The following KATNIP variants were observed in gnomAD, a reference collection of about 807,000 sequenced individuals.
The protein encoded by KATNIP is katanin-interacting protein.
A neutral mutation model predicts 174.0 loss-of-function variants in KATNIP; 126 were observed. That is an observed-to-expected ratio of 0.72 (90% confidence interval 0.63 to 0.84). The LOEUF is 0.84. Ranked by LOEUF, KATNIP falls within the 40% of genes least tolerant of loss-of-function variation. The pLI, the probability that KATNIP is intolerant of heterozygous loss-of-function variation, is 0.00. For synonymous variants in KATNIP, 810 were observed against 835.7 expected, an observed-to-expected ratio of 0.97 and a Z score of 0.53; for missense variants, 1,958 against 2,109.7, an observed-to-expected ratio of 0.93 and a Z score of 1.41.
chr16:27,661,324 A>T (rs1212461497), intron 6 of KATNIP, among the ~76,000 whole-genome samples: 1 of 152,104 alleles, frequency 6.6e-6, no homozygotes, highest in Non-Finnish European at 1.5e-5. Flanking sequence ...CATCGTGTAG[A>T]AATATGGGCC....
chr16:27,654,596 G>A, intron 6 of KATNIP: 1 of 1,351,990 alleles, frequency 7.4e-7, no homozygotes, highest in Non-Finnish European at 9.8e-7. Flanking sequence ...AGTTTTCTGT[G>A]CTTGTCCCTA....
chr16:27,702,188 A>T (rs1160978787), intron 11 of KATNIP, among the ~76,000 whole-genome samples: 1 of 152,190 alleles, frequency 6.6e-6, no homozygotes, highest in Non-Finnish European at 1.5e-5. Flanking sequence ...TATCTTGGTC[A>T]GTTTGGCCCC....
At chr16:27,583,444 T>C (rs1007155987) in intron 2 of KATNIP, among the ~76,000 whole-genome samples, 1 of 152,124 alleles carries the variant, frequency 6.6e-6, no homozygotes, top group African/African-American at 2.4e-5. Context: ...AGAATGGTGC[T>C]AAGAGGAGGT....
At chr16:27,727,137 A>T (rs935774477) in intron 14 of KATNIP, 1 of 172,686 alleles carries the variant, frequency 5.8e-6, no homozygotes, top group African/African-American at 2.4e-5. Flanking sequence ...TATTAGTGTC[A>T]TCGCCGGAGG....
In KATNIP at chr16:27,772,278, A is replaced by G. The variant is rs189720820; in HGVS notation, c.4198+626A>G. On this transcript the variant is annotated intron_variant, in intron 22 of 27. Coordinates refer to ENST00000261588, the MANE Select transcript of KATNIP (RefSeq NM_015202.5). ...CAGAGCCCAGCACTCTGGTACTACT[A>G]TCATTCCCATTTCACAGCTAGGAAA... Among the ~76,000 whole-genome samples the G allele has an allele frequency of 2.6e-5, 4 of 152,304 alleles. No homozygotes were observed. The East Asian group carries it at 5.8e-4, about 22-fold the overall frequency.
At chr16:27,765,692 C>T (rs569612676) in intron 19 of KATNIP, among the ~76,000 whole-genome samples, 143 of 152,328 alleles carry the variant, frequency 9.4e-4, no homozygotes, top group African/African-American at 3.2e-3. Flanking sequence ...GAAAAATACT[C>T]ACCTCCATAC....
intron 8 of KATNIP, among the ~76,000 whole-genome samples, chr16:27,692,837 A>G (rs2142924141): frequency 6.6e-6 from 1 of 152,298 alleles, no homozygotes; most frequent in East Asian, 1.9e-4. Flanking sequence ...CCACACCAAG[A>G]GCAGCATCTC....
At chr16:27,662,134 G>A (rs2077547481) in intron 6 of KATNIP, among the ~76,000 whole-genome samples, 1 of 135,316 alleles carries the variant, frequency 7.4e-6, no homozygotes, top group African/African-American at 2.8e-5. Context: ...GGGTTTCACT[G>A]TGTTGCCCTG....
chr16:27,663,557 G>A (rs953941021), intron 6 of KATNIP, among the ~76,000 whole-genome samples: 12 of 150,930 alleles, frequency 8.0e-5, no homozygotes, highest in Middle Eastern at 3.5e-3. Flanking sequence ...CAAGTGATTC[G>A]CCTGTCTCAC....
chr16:27,746,915 G>A (rs2081316224), intron 15 of KATNIP, among the ~76,000 whole-genome samples: 1 of 152,320 alleles, frequency 6.6e-6, no homozygotes, highest in East Asian at 1.9e-4. Flanking sequence ...CCAGCTAGAG[G>A]GGTTGATGAC....
At chr16:27,638,232 C>T (rs1049592165) in intron 5 of KATNIP, among the ~76,000 whole-genome samples, 2 of 152,218 alleles carry the variant, frequency 1.3e-5, no homozygotes, top group Non-Finnish European at 2.9e-5. Context: ...GCAAACCCTG[C>T]CTGCCCTGGC....
intron 21 of KATNIP, 71 bp from the exon 22 acceptor site, chr16:27,771,517 C>T (rs116783130): frequency 4.1e-6 from 6 of 1,476,910 alleles, no homozygotes; most frequent in Non-Finnish European, 5.6e-6. Flanking sequence ...AGGCTGTTAC[C>T]TAGGGGGTAA....
In KATNIP at chr16:27,777,316, C is replaced by T. The variant is rs540718654; in HGVS notation, c.4551+287C>T. Among the ~76,000 whole-genome samples the T allele has an allele frequency of 3.9e-5, 6 of 152,274 alleles. 1 individual carries two copies. The highest frequency in any genetic ancestry group is 3.9e-4 in the Admixed American group (6 of 15,298). On this transcript the variant is annotated intron_variant, in intron 25 of 27. Transcript: ENST00000261588. This position sits in a 1 kb window ranked among gnomAD's most constrained non-coding sequence, Gnocchi z 4.4. ...GACCCTGGGATGGGGAAAACAGGGA[C>T]CCTGGATACCAGAGACCCAAGTTTG...
intron 21 of KATNIP, among the ~76,000 whole-genome samples, 174 bp from the exon 22 acceptor site, chr16:27,771,412 CTG>C (rs2082296531): frequency 6.6e-6 from 1 of 152,180 alleles, no homozygotes; most frequent in Non-Finnish European, 1.5e-5. Flanking sequence ...TTGGCAATGA[CTG>C]TCATCTAGAG....
intron 15 of KATNIP, 96 bp downstream of exon 15, chr16:27,741,016 T>A: frequency 8.0e-7 from 1 of 1,249,936 alleles, no homozygotes; most frequent in Non-Finnish European, 1.1e-6. Context: ...TTTCCTTATC[T>A]GCACAACAAG....
intron 2 of KATNIP, among the ~76,000 whole-genome samples, chr16:27,588,843 C>T (rs1180527970): frequency 2.0e-5 from 3 of 146,496 alleles, no homozygotes; most frequent in Admixed American, 6.8e-5. Flanking sequence ...GGATGTTCAT[C>T]TTTCTGGAGC....
At chr16:27,655,179 T>G (rs1192380910) in intron 6 of KATNIP, among the ~76,000 whole-genome samples, 82 of 674 alleles carry the variant, frequency 0.12, no homozygotes, top group African/African-American at 0.17. Context: ...CTAGAATGGA[T>G]ATATATATAT....
intron 2 of KATNIP, among the ~76,000 whole-genome samples, chr16:27,593,756 C>A (rs1484375535): frequency 6.6e-6 from 1 of 152,174 alleles, no homozygotes; most frequent in African/African-American, 2.4e-5. Flanking sequence ...AATCCTTCTA[C>A]CTTGGCCTTC....
At chr16:27,651,793 C>G (rs2077129361) in intron 6 of KATNIP, among the ~76,000 whole-genome samples, 1 of 152,182 alleles carries the variant, frequency 6.6e-6, no homozygotes, top group South Asian at 2.1e-4. Context: ...GATCTCGGCT[C>G]ACTGCAACCT....
Sources: allele counts gnomAD v4.1 joint callset (sites outside exome capture counted in the v4.1 genomes callset), GRCh38; gene constraint gnomAD v4.1.1; non-coding constraint Gnocchi (gnomAD v3.1); transcripts MANE v1.5; gene names NCBI Gene and HGNC (gene_info 2026-07-23, HGNC 2026-07-21).